The following TSNARE1 variants were observed in gnomAD, a reference collection of about 807,000 sequenced individuals.
The protein encoded by TSNARE1 is t-SNARE domain-containing protein 1.
In TSNARE1, 49 loss-of-function variants were observed where a neutral mutation model predicts 62.0. The ratio of observed to expected loss-of-function variants is 0.79; its 90% CI spans 0.63 to 1.00. The LOEUF (loss-of-function observed/expected upper bound fraction) is 1.00. TSNARE1 is among the 50% of genes least tolerant of loss of function. The pLI, the probability that TSNARE1 is intolerant of heterozygous loss-of-function variation, is 0.00. For missense variants in TSNARE1, 755 were observed against 700.1 expected (o/e 1.08, Z -0.88); for synonymous variants, 328 against 294.4 (o/e 1.11, Z -1.17).
At chr8:142,280,049 C>T in intron 11 of TSNARE1, 1 of 1,235,558 alleles carries the variant, frequency 8.1e-7, no homozygotes, top group Non-Finnish European at 1.0e-6. Context: ...CGGCAGTAGC[C>T]CAGCGCGTTC....
intron 1 of TSNARE1, among the ~76,000 whole-genome samples, chr8:142,382,416 G>A (rs1191476551): frequency 6.6e-6 from 1 of 152,158 alleles, no homozygotes; most frequent in African/African-American, 2.4e-5. Flanking sequence ...GCCGGCCTCT[G>A]CCCACTGACC....
chr8:142,307,666 A>G (rs1043735265), intron 9 of TSNARE1, among the ~76,000 whole-genome samples: 1 of 152,252 alleles, frequency 6.6e-6, no homozygotes, highest in Non-Finnish European at 1.5e-5. Flanking sequence ...TCTTTTAAAA[A>G]TATTTTCAGT....
At chr8:142,243,007 T>C (rs549947576) in intron 12 of TSNARE1, among the ~76,000 whole-genome samples, 5 of 148,742 alleles carry the variant, frequency 3.4e-5, no homozygotes, top group Non-Finnish European at 7.4e-5. Flanking sequence ...AACAGCACTA[T>C]TCATCAGGAA....
intron 12 of TSNARE1, chr8:142,272,946 G>A (rs1219806459): frequency 2.0e-6 from 2 of 985,354 alleles, no homozygotes; most frequent in Non-Finnish European, 2.4e-6. Flanking sequence ...CAACTTCACA[G>A]ATGCCTCATC....
chr8:142,392,685 A>G (rs1837613998), intron 1 of TSNARE1, among the ~76,000 whole-genome samples: 1 of 152,178 alleles, frequency 6.6e-6, no homozygotes, highest in Admixed American at 6.5e-5. Flanking sequence ...CTGTAATCCC[A>G]GCACTTCAGG....
At chr8:142,279,904 G>A (rs1446789711) in intron 11 of TSNARE1, 15 of 1,040,176 alleles carry the variant, frequency 1.4e-5, no homozygotes, top group Middle Eastern at 4.7e-4. Context: ...GGGACCGTGG[G>A]CAGAAAAGGT....
intron 11 of TSNARE1, among the ~76,000 whole-genome samples, chr8:142,282,629 G>A (rs1293779351): frequency 7.7e-6 from 1 of 130,716 alleles, no homozygotes; most frequent in South Asian, 2.4e-4. Flanking sequence ...GTCTGTCAAT[G>A]AGCAGAGGCG....
chr8:142,281,235 G>A (rs1821397394), intron 11 of TSNARE1, among the ~76,000 whole-genome samples: 1 of 152,122 alleles, frequency 6.6e-6, no homozygotes. Context: ...TGGGCACCAG[G>A]GGCAGCCTGG....
intron 12 of TSNARE1, 64 bp downstream of exon 12, chr8:142,274,717 A>G: frequency 7.0e-7 from 1 of 1,420,250 alleles, no homozygotes. Context: ...AGACGGAGGG[A>G]GGGTTGGAGG....
At chr8:142,253,009 C>G (rs907954542) in intron 12 of TSNARE1, among the ~76,000 whole-genome samples, 2 of 152,236 alleles carry the variant, frequency 1.3e-5, no homozygotes, top group African/African-American at 4.8e-5. Context: ...CTCTGCCCTG[C>G]CCTGCCCACG....
chr8:142,339,885 G>A lies in TSNARE1; in HGVS notation c.745+4081C>T, dbSNP rs114139561. On this transcript the variant is annotated intron_variant, in intron 4 of 13. Transcript: ENST00000524325. ...AACCAGCCCTCCTCTGGACAGCTGC[G>A]CCGGGGGTGTCTCCAACACACATGG... Among the ~76,000 whole-genome samples the A allele has an allele frequency of 4.8e-3, 734 of 152,376 alleles. 7 individuals are homozygous for A. The highest frequency in any genetic ancestry group is 0.016 in the African/African-American group (677 of 41,598).
intron 11 of TSNARE1, among the ~76,000 whole-genome samples, chr8:142,282,034 C>G (rs542249273): frequency 6.6e-6 from 1 of 152,362 alleles, no homozygotes; most frequent in African/African-American, 2.4e-5. Context: ...GGACCTGACT[C>G]TAGGCACCCG....
intron 12 of TSNARE1, among the ~76,000 whole-genome samples, chr8:142,232,437 T>C (rs554273766): frequency 6.6e-6 from 1 of 152,258 alleles, no homozygotes; most frequent in East Asian, 1.9e-4. Flanking sequence ...CTGCGCTACG[T>C]CTCTACCCTC....
At chr8:142,281,014 G>T (rs1402330744) in intron 11 of TSNARE1, among the ~76,000 whole-genome samples, 2 of 152,212 alleles carry the variant, frequency 1.3e-5, no homozygotes, top group Non-Finnish European at 2.9e-5. Flanking sequence ...TTCTCCTGGG[G>T]ACACAGCACA....
At chr8:142,374,253 C>G (rs1277970839) in intron 1 of TSNARE1, among the ~76,000 whole-genome samples, 2 of 151,048 alleles carry the variant, frequency 1.3e-5, no homozygotes, top group Non-Finnish European at 2.9e-5. Flanking sequence ...TGCAGTGAGC[C>G]GAGATTATGC....
At chr8:142,338,769 T>C (rs1832128878) in intron 4 of TSNARE1, among the ~76,000 whole-genome samples, 1 of 152,222 alleles carries the variant, frequency 6.6e-6, no homozygotes, top group Non-Finnish European at 1.5e-5. Context: ...TGGCTTGAGC[T>C]AGCGCTGGGT....
chr8:142,276,434 C>T (rs1820508540), intron 11 of TSNARE1: 1 of 985,358 alleles, frequency 1.0e-6, no homozygotes. Context: ...TGGGCCCGGG[C>T]AATGCCCCGC....
At chr8:142,280,248 G>A (rs1190457384) in intron 11 of TSNARE1, 51 of 985,248 alleles carry the variant, frequency 5.2e-5, no homozygotes, top group South Asian at 2.3e-4. Flanking sequence ...AGCCCGGCCC[G>A]GCACCCAGCA....
At chr8:142,388,104 A>G (rs182777089) in intron 1 of TSNARE1, among the ~76,000 whole-genome samples, 2 of 152,322 alleles carry the variant, frequency 1.3e-5, no homozygotes, top group Admixed American at 6.5e-5. Context: ...TTTCATTATT[A>G]GCAACTTCGT....
Sources: allele counts gnomAD v4.1 joint callset (sites outside exome capture counted in the v4.1 genomes callset), GRCh38; gene constraint gnomAD v4.1.1; transcripts MANE v1.5; gene names NCBI Gene and HGNC (gene_info 2026-07-23, HGNC 2026-07-21).